URB1: variants seen among roughly 807,000 people sequenced by gnomAD.
URB1 encodes URB1 ribosome biogenesis factor.
A neutral mutation model predicts 242.3 loss-of-function variants in URB1; 197 were observed. That is an observed-to-expected ratio of 0.81 (90% CI 0.72 to 0.91). The LOEUF (loss-of-function observed/expected upper bound fraction) is 0.91. URB1 is among the 40% of genes least tolerant of loss of function. The probability of loss-of-function intolerance (pLI) is 0.00; values close to 1 mark genes in which losing one functional copy is unlikely to be tolerated. For synonymous variants in URB1, 1,153 were observed against 1,201.8 expected (o/e 0.96, Z 0.84); for missense variants, 2,721 against 2,860.5 (o/e 0.95, Z 1.11).
chr21:32,364,719 T>A (rs553426824), intron 10 of URB1, among the ~76,000 whole-genome samples: 4 of 152,332 alleles, frequency 2.6e-5, no homozygotes, highest in Non-Finnish European at 5.9e-5. Flanking sequence ...GTTTCTAAAA[T>A]AGGCTAAAGC....
intron 6 of URB1, 34 bp from the exon 7 acceptor site, chr21:32,373,806 A>G: frequency 6.8e-7 from 1 of 1,468,146 alleles, no homozygotes. Flanking sequence ...ATTAAAAAAC[A>G]AATTATGAAA....
chr21:32,352,730 C>G lies in URB1; in HGVS notation c.2593G>C (p.Glu865Gln). ...FNRYYSLWIPEQAREAWLLQA... is the reference protein window; with the variant it reads ...FNRYYSLWIPQQAREAWLLQA... ...CTCACCCAGGCCTCTCGGGCTTGCT[C>G]CGGGATCCAGAGGCTGTAGTATCTG... The change falls in exon 19 of 39, where the codon GAG becomes CAG. Residue 865 changes from glutamate to glutamine, a missense_variant. Physicochemically the swap from Glu to Gln is conservative, Grantham distance 29. Coordinates refer to ENST00000382751, the MANE Select transcript of URB1 (RefSeq NM_014825.3). The G allele has an allele frequency of 6.4e-7, 1 of 1,551,450 alleles. No homozygotes were observed. Among genetic ancestry groups the G allele is most frequent in the Non-Finnish European group, 8.7e-7 (1 of 1,146,946 alleles).
intron 25 of URB1, among the ~76,000 whole-genome samples, chr21:32,339,934 C>A (rs1247612699): frequency 6.6e-6 from 1 of 152,244 alleles, no homozygotes; most frequent in Non-Finnish European, 1.5e-5. Context: ...CCTCCTTCCT[C>A]ACTCTCCTCT....
At chr21:32,372,748 T>A (rs539878509) in intron 7 of URB1, 117 bp from the exon 8 acceptor site, 1 of 1,154,984 alleles carries the variant, frequency 8.7e-7, no homozygotes, top group East Asian at 2.6e-5. Flanking sequence ...ACATTTTAAA[T>A]ACTTGGTGTC....
intron 19 of URB1, 99 bp downstream of exon 19, chr21:32,352,611 C>G (rs1403272466): frequency 1.4e-6 from 2 of 1,409,992 alleles, no homozygotes; most frequent in Non-Finnish European, 1.9e-6. Context: ...ACCCTGCAGG[C>G]TGTCTGGCTA....
At chr21:32,328,903 G>A (rs1347723011) in intron 30 of URB1, among the ~76,000 whole-genome samples, 2 of 152,174 alleles carry the variant, frequency 1.3e-5, no homozygotes, top group Admixed American at 6.5e-5. Flanking sequence ...GAATAGCAAC[G>A]TGGCCTTAAC....
intron 1 of URB1, among the ~76,000 whole-genome samples, chr21:32,387,412 C>T (rs757426590): frequency 1.3e-5 from 2 of 151,964 alleles, no homozygotes; most frequent in Non-Finnish European, 2.9e-5. Context: ...AGTGAGACTC[C>T]GTCTCAAAAA....
intron 8 of URB1, among the ~76,000 whole-genome samples, chr21:32,369,270 G>A (rs112992230): frequency 0.15 from 22,392 of 152,038 alleles, 2,205 homozygotes; most frequent in African/African-American, 0.28. Context: ...GGCTGAGGCA[G>A]AAGAATTGCT....
At chr21:32,358,182 G>C (rs1031159478) in intron 14 of URB1, among the ~76,000 whole-genome samples, 1 of 152,138 alleles carries the variant, frequency 6.6e-6, no homozygotes, top group African/African-American at 2.4e-5. Context: ...TGCTGGAGCC[G>C]TCCCAGGGGC....
chr21:32,380,644 T>C (rs1275188510), intron 4 of URB1, among the ~76,000 whole-genome samples: 1 of 152,236 alleles, frequency 6.6e-6, no homozygotes, highest in African/African-American at 2.4e-5. Flanking sequence ...CCAAGCCATC[T>C]CTATGCCTCA....
rs1308332953 is a variant in URB1 at position 32,357,567 on chromosome 21, C to A, written c.1959G>T (p.Leu653=). 4 of 1,529,584 alleles carry A rather than the reference C, an allele frequency of 2.6e-6. No individual in the cohort carries two copies. The highest frequency in any genetic ancestry group is 2.8e-5 in the African/African-American group (2 of 71,720). The allele number at this position is 1,529,584 out of a possible 1,614,324, so 94.8% of individuals were successfully genotyped here. The part of the protein sequence containing the change: ...KMFVTSSHLQ[L]KSLTKLLIMK... ...TGATCAGAAGTTTGGTCAATGACTTCAGTTGTAAATGGCTACTGGTCACAA... is the reference window on the plus strand; with the variant it reads ...TGATCAGAAGTTTGGTCAATGACTTAAGTTGTAAATGGCTACTGGTCACAA... The change falls in exon 15 of 39, where the codon CTG becomes CTT. Residue 653 remains leucine, a synonymous_variant. Transcript: ENST00000382751.
intron 1 of URB1, among the ~76,000 whole-genome samples, chr21:32,389,455 A>T (rs2033616185): frequency 2.0e-5 from 3 of 152,212 alleles, no homozygotes. Context: ...CACGGGCTGC[A>T]GGGAAGCAAC....
Position 32,347,678 on chromosome 21 carries a change from C to T in URB1, c.3146G>A (p.Ser1049Asn), listed in dbSNP as rs1295939771. 2 of 1,551,410 alleles carry T rather than the reference C, an allele frequency of 1.3e-6. No homozygotes were observed. The highest frequency in any genetic ancestry group is 1.7e-6 in the Non-Finnish European group (2 of 1,147,014). ...TGCCAGCAGCTGAAGGACCCCTGCA[C>T]TAAAGTGGGTGGCCAGGAGCTTCAC... ...VLVKLLATHF[S>N]AGVLQLLAAS... The change falls in exon 22 of 39, where the codon AGT becomes AAT. Residue 1049 changes from serine to asparagine, a missense_variant. Physicochemically the swap from Ser to Asn is conservative, Grantham distance 46. Transcript: ENST00000382751.
intron 17 of URB1, 78 bp downstream of exon 17, chr21:32,354,781 C>G: frequency 6.7e-7 from 1 of 1,499,836 alleles, no homozygotes; most frequent in African/African-American, 1.4e-5. Context: ...TAGTGCAGTT[C>G]TTGTTCTCAA....
At chr21:32,373,096 C>T (rs975135031) in intron 7 of URB1, among the ~76,000 whole-genome samples, 20 of 152,176 alleles carry the variant, frequency 1.3e-4, no homozygotes, top group African/African-American at 4.6e-4. Context: ...TGTTCAGTAA[C>T]ACCCTGAAGA....
chr21:32,332,757 C>G (rs1304462043), intron 30 of URB1, among the ~76,000 whole-genome samples: 1 of 152,038 alleles, frequency 6.6e-6, no homozygotes, highest in Admixed American at 6.6e-5. Flanking sequence ...ATGAGCTATC[C>G]CTGCACACTG....
chr21:32,314,287 C>A lies in URB1; in HGVS notation c.*631G>T, dbSNP rs991598276. The A allele has an allele frequency of 7.7e-6, 3 of 391,092 alleles. No individual in the cohort carries two copies. The highest frequency in any genetic ancestry group is 6.1e-5 in the East Asian group (1 of 16,460). 24.2% of individuals were successfully genotyped at this position (391,092 alleles called of 1,614,324 possible). A position where few individuals can be genotyped will look rare whatever the true frequency, so the allele number is the denominator to read the frequency against. ...GTAGCCTCCACCTCCCAGGTTCAAGCGATTCCCCTGCCTTAGCCTCCCGAG... is the reference window on the plus strand; with the variant it reads ...GTAGCCTCCACCTCCCAGGTTCAAGAGATTCCCCTGCCTTAGCCTCCCGAG... On this transcript the variant is annotated 3_prime_UTR_variant, in exon 39 of 39. Transcript: ENST00000382751.
chr21:32,311,895 C>A lies in URB1; in HGVS notation c.*3023G>T. ...GCCCCTCGGGGGTTTCCAGACCCAC[C>A]CCACTCTCCTCTGGGAACTGACCCT... On this transcript the variant is annotated 3_prime_UTR_variant, in exon 39 of 39. Coordinates refer to ENST00000382751, the MANE Select transcript of URB1 (RefSeq NM_014825.3). The A allele has an allele frequency of 6.2e-7, 1 of 1,614,008 alleles. No homozygotes were observed. The highest frequency in any genetic ancestry group is 8.5e-7 in the Non-Finnish European group (1 of 1,180,028).
chr21:32,345,335 G>C (rs774545167), intron 23 of URB1, 39 bp downstream of exon 23: 3 of 1,533,504 alleles, frequency 2.0e-6, no homozygotes, highest in Admixed American at 4.0e-5. Flanking sequence ...AAATGACACC[G>C]AGAGTGGAAC....
Sources: allele counts gnomAD v4.1 joint callset (sites outside exome capture counted in the v4.1 genomes callset), GRCh38; gene constraint gnomAD v4.1.1; transcripts MANE v1.5; gene names NCBI Gene and HGNC (gene_info 2026-07-23, HGNC 2026-07-21).